SLC14A2: variants seen among roughly 807,000 people sequenced by gnomAD.
SLC14A2 encodes the protein solute carrier family 14 member 2.
A neutral mutation model predicts 104.6 loss-of-function variants in SLC14A2; 91 were observed. That is an observed-to-expected ratio of 0.87 (90% confidence interval 0.73 to 1.04). The LOEUF (loss-of-function observed/expected upper bound fraction) is 1.04. Among genes scored for constraint, SLC14A2 ranks in the 50% least tolerant of loss-of-function variants. SLC14A2 has a pLI of 0.00. For missense variants in SLC14A2, 1,189 were observed against 1,156.0 expected, an observed-to-expected ratio of 1.03 and a Z score of -0.41; for synonymous variants, 476 against 466.4, an observed-to-expected ratio of 1.02 and a Z score of -0.27.
Position 45,622,532 on chromosome 18 carries a change from A to G in SLC14A2, c.-34-2099A>G, listed in dbSNP as rs1044095265. 2.6e-5 allele frequency among the ~76,000 whole-genome samples: 4 copies of G among 152,306 alleles called. No individual in the cohort carries two copies. The South Asian group carries it at 8.3e-4, about 32-fold the overall frequency. On this transcript the variant is annotated intron_variant, in intron 1 of 19. Coordinates refer to ENST00000255226, the MANE Select transcript of SLC14A2 (RefSeq NM_007163.4). ...GCTGGAAATGTGAGTTTTGAGGGTC[A>G]TCGGCAGGGAGATGGAATACGAAGC...
At chr18:45,403,788 A>G (rs1880380345) in intron 1 of SLC14A2, among the ~76,000 whole-genome samples, 1 of 142,478 alleles carries the variant, frequency 7.0e-6, no homozygotes, top group African/African-American at 2.5e-5. Context: ...GAATGAATAA[A>G]TGAGTGGACA....
intron 1 of SLC14A2, among the ~76,000 whole-genome samples, chr18:45,266,341 C>A (rs16978314): frequency 0.082 from 12,449 of 152,146 alleles, 1,363 homozygotes; most frequent in African/African-American, 0.24. Context: ...TGACGGGTTC[C>A]TCTCCCACTC....
At position 45,402,445 on chromosome 18, in the gene SLC14A2, A is replaced by G. The variant is rs183058860; in HGVS notation, c.-124-80788A>G. On this transcript the variant is annotated intron_variant, in intron 1 of 20. Coordinates refer to the SLC14A2 transcript ENST00000586448. ...TTATTACTCTACATCTTTAATTTTCATACATTTTTATTGTTTGCCTGAAAT... is the reference window on the plus strand; with the variant it reads ...TTATTACTCTACATCTTTAATTTTCGTACATTTTTATTGTTTGCCTGAAAT... Among the ~76,000 whole-genome samples the G allele has an allele frequency of 2.4e-4, 37 of 152,292 alleles. 1 individual carries two copies. The highest frequency in any genetic ancestry group is 7.9e-4 in the African/African-American group (33 of 41,558).
intron 2 of SLC14A2, among the ~76,000 whole-genome samples, chr18:45,520,194 A>G (rs796070642): frequency 2.0e-4 from 31 of 152,234 alleles, no homozygotes; most frequent in African/African-American, 7.0e-4. Context: ...ACCTAGCACT[A>G]TTCCCTGCTT....
intron 18 of SLC14A2, among the ~76,000 whole-genome samples, chr18:45,674,092 C>T (rs758007184): frequency 1.3e-5 from 2 of 152,124 alleles, no homozygotes; most frequent in Admixed American, 1.3e-4. Flanking sequence ...GGGTGATTTA[C>T]GTCTTCTACA....
chr18:45,420,598 A>C (rs1598784914), intron 1 of SLC14A2, among the ~76,000 whole-genome samples: 1 of 152,318 alleles, frequency 6.6e-6, no homozygotes, highest in East Asian at 1.9e-4. Context: ...GTTGAGTGGT[A>C]AAGAATTCCT....
intron 5 of SLC14A2, 99 bp from the exon 6 acceptor site, chr18:45,636,891 A>C (rs1247301538): frequency 1.2e-6 from 1 of 860,858 alleles, no homozygotes; most frequent in Non-Finnish European, 1.9e-6. Context: ...TGCTGTGCCT[A>C]GGAGAGGAGG....
chr18:45,465,019 A>G (rs1037963616), intron 1 of SLC14A2, among the ~76,000 whole-genome samples: 37 of 152,212 alleles, frequency 2.4e-4, no homozygotes, highest in Non-Finnish European at 4.4e-5. Flanking sequence ...GGAAAGGGGC[A>G]GCCTCAGAAG....
chr18:45,359,011 AC>A (rs1371911199), intron 1 of SLC14A2, among the ~76,000 whole-genome samples: 1 of 152,222 alleles, frequency 6.6e-6, no homozygotes, highest in Non-Finnish European at 1.5e-5. Flanking sequence ...AAGTTAATAA[AC>A]ATCTGCAAAA....
intron 1 of SLC14A2, among the ~76,000 whole-genome samples, chr18:45,292,240 G>T (rs1003334032): frequency 3.3e-5 from 5 of 152,142 alleles, no homozygotes; most frequent in Non-Finnish European, 1.5e-5. Context: ...CCTATAGCTG[G>T]CAGAATCACT....
At chr18:45,552,069 A>G (rs1004076205) in intron 2 of SLC14A2, among the ~76,000 whole-genome samples, 4 of 152,202 alleles carry the variant, frequency 2.6e-5, no homozygotes, top group Non-Finnish European at 5.9e-5. Flanking sequence ...GAAGTGAAAT[A>G]ACTAACTTTT....
intron 1 of SLC14A2, among the ~76,000 whole-genome samples, chr18:45,278,981 G>A (rs904212547): frequency 6.6e-6 from 1 of 152,158 alleles, no homozygotes; most frequent in Non-Finnish European, 1.5e-5. Flanking sequence ...TCTATCCATA[G>A]ATAGAAACAA....
At chr18:45,231,649 A>C (rs534256908) in intron 1 of SLC14A2, among the ~76,000 whole-genome samples, 3 of 152,344 alleles carry the variant, frequency 2.0e-5, no homozygotes, top group African/African-American at 7.2e-5. Flanking sequence ...CATTGTCTTC[A>C]TGCCATCCAT....
chr18:45,180,240 A>T, the SLC14A2 span, among the ~76,000 whole-genome samples: 1 of 152,122 alleles, frequency 6.6e-6, no homozygotes, highest in Non-Finnish European at 1.5e-5. Flanking sequence ...GTTGCTAACG[A>T]GTCATGTGAC....
chr18:45,571,430 C>T (rs2044343205), intron 2 of SLC14A2, among the ~76,000 whole-genome samples: 1 of 152,234 alleles, frequency 6.6e-6, no homozygotes, highest in Admixed American at 6.5e-5. Flanking sequence ...CCACAAAGCC[C>T]TCTAGTTCTC....
At chr18:45,223,823 C>A (rs2084087340) in intron 1 of SLC14A2, among the ~76,000 whole-genome samples, 1 of 152,206 alleles carries the variant, frequency 6.6e-6, no homozygotes, top group South Asian at 2.1e-4. Flanking sequence ...AGGCTCTAGA[C>A]TCTTCTGAGC....
intron 2 of SLC14A2, among the ~76,000 whole-genome samples, chr18:45,532,507 T>C (rs1434894339): frequency 3.6e-5 from 5 of 139,630 alleles, no homozygotes; most frequent in African/African-American, 1.3e-4. Context: ...TTGTCTGTTA[T>C]TGGTGTATAA....
intron 2 of SLC14A2, among the ~76,000 whole-genome samples, chr18:45,492,622 T>G (rs564656883): frequency 6.6e-6 from 1 of 152,344 alleles, no homozygotes; most frequent in South Asian, 2.1e-4. Flanking sequence ...CCAAGCCATA[T>G]CAGAAATGTT....
chr18:45,273,176 G>A (rs1178602751), intron 1 of SLC14A2, among the ~76,000 whole-genome samples: 4 of 152,050 alleles, frequency 2.6e-5, no homozygotes, highest in African/African-American at 7.2e-5. Flanking sequence ...GCTATGTACT[G>A]GTTTTATTTT....
Sources: allele counts gnomAD v4.1 joint callset (sites outside exome capture counted in the v4.1 genomes callset), GRCh38; gene constraint gnomAD v4.1.1; transcripts MANE v1.5; gene names NCBI Gene and HGNC (gene_info 2026-07-23, HGNC 2026-07-21).